PLEC: variants seen among roughly 807,000 people sequenced by gnomAD.
PLEC encodes plectin.
In PLEC, 216 loss-of-function variants were observed where a neutral mutation model predicts 392.8. The observed-to-expected ratio is 0.55, with a 90% CI of 0.49 to 0.62. PLEC has a LOEUF of 0.62. PLEC is among the 20% of genes least tolerant of loss of function. The pLI is 0.00. For missense variants in PLEC, 6,863 were observed against 6,563.4 expected, an observed-to-expected ratio of 1.05 and a Z score of -1.58; for synonymous variants, 3,621 against 2,980.6, an observed-to-expected ratio of 1.21 and a Z score of -7.00.
At chr8:143,940,270 C>T (rs1311034022), upstream of PLEC, among the ~76,000 whole-genome samples, 4 of 152,238 alleles carry the variant, frequency 2.6e-5, no homozygotes, top group African/African-American at 2.4e-5. Flanking sequence ...AGGCAGACAC[C>T]TCACGTCGGA....
chr8:143,927,091 T>C lies in PLEC; in HGVS notation c.3841-10A>G, dbSNP rs2131583345. The C allele has an allele frequency of 1.2e-6, 2 of 1,606,492 alleles. No homozygotes were observed. Among genetic ancestry groups the C allele is most frequent in the Non-Finnish European group, 1.7e-6 (2 of 1,176,880 alleles). ...GCTGGAGTTCATAGTCCTGTGGCAA[T>C]GCACTGCGGTCAGCCACCAGCTCTG... is the stretch of plus-strand genomic sequence containing the variant. On this transcript the variant is annotated splice_polypyrimidine_tract_variant and intron_variant, in intron 28 of 31. Transcript: ENST00000345136.
chr8:143,950,780 G>A (rs1214830433), exon 1 of PLEC: 5 of 1,530,180 alleles, frequency 3.3e-6, no homozygotes, highest in Admixed American at 2.0e-5. Flanking sequence ...CCGGGGCGCT[G>A]CGAGAAGCTC....
intron 3 of PLEC, 48 bp from the exon 4 acceptor site, chr8:143,937,290 GC>G: frequency 6.8e-7 from 1 of 1,464,424 alleles, no homozygotes; most frequent in Non-Finnish European, 9.5e-7. Flanking sequence ...CAGCTCCCGG[GC>G]CCCACCCTCA....
Position 143,930,210 on chromosome 8 carries a change from G to A in PLEC, c.2546C>T (p.Ala849Val), listed in dbSNP as rs942047656. ...WKVLSSSGSE[A>V]AVPSVCFLVP... ...CAGGAAGCACACGGAGGGCACGGCG[G>A]CCTCGCTGCCGGAGCTGCTGAGCAC... is the stretch of plus-strand genomic sequence containing the variant. The change falls in exon 21 of 32, where the codon GCC becomes GTC. Residue 849 changes from alanine to valine, a missense_variant. Transcript: ENST00000345136. The A allele has an allele frequency of 3.2e-6, 5 of 1,581,682 alleles. No individual in the cohort carries two copies. The East Asian group carries it at 1.1e-4, about 36-fold the overall frequency.
chr8:143,939,257 G>T, intron 1 of PLEC, 93 bp downstream of exon 1: 3 of 1,498,642 alleles, frequency 2.0e-6, no homozygotes, highest in Non-Finnish European at 2.7e-6. Context: ...CAGCCCCCCA[G>T]CGGTGCCAAG....
chr8:143,926,951 C>T, intron 29 of PLEC, 26 bp downstream of exon 29: 1 of 1,606,734 alleles, frequency 6.2e-7, no homozygotes, highest in Non-Finnish European at 8.5e-7. Context: ...CAGCCCCTCA[C>T]CCAGTTAGGT....
In PLEC at chr8:143,929,119, C is replaced by T. The variant is rs1554710161; in HGVS notation, c.3244G>A (p.Ala1082Thr). ...TGCACTCACTTCTCCAGGTAGATGG[C>T]AGACAGGCTGCGGACCTGCTCCAGC... ...GKLEQVRSLSAIYLEKLKTIS... is the reference protein window; with the variant it reads ...GKLEQVRSLSTIYLEKLKTIS... The change falls in exon 25 of 32, where the codon GCC (alanine) becomes ACC (threonine). Residue 1082 changes from alanine (A) to threonine (T), a missense_variant. By Grantham distance (58) the Ala-to-Thr change is moderately conservative. Coordinates refer to ENST00000345136, the MANE Select transcript of PLEC (RefSeq NM_201384.3). The T allele has an allele frequency of 6.3e-7, 1 of 1,579,916 alleles. No homozygotes were observed. The highest frequency in any genetic ancestry group is 8.6e-7 in the Non-Finnish European group (1 of 1,163,858).
At chr8:143,955,378 G>A (rs1373679725), upstream of PLEC, among the ~76,000 whole-genome samples, 1 of 152,148 alleles carries the variant, frequency 6.6e-6, no homozygotes, top group Non-Finnish European at 1.5e-5. Context: ...CTACTCAGGA[G>A]GCTGAGGCAC....
rs727504099 is a variant in PLEC at position 143,927,505 on chromosome 8, C to T, written c.3661G>A (p.Ala1221Thr). 6.3e-6 allele frequency: 10 copies of T among 1,597,050 alleles called. No individual in the cohort carries two copies. The East Asian group carries it at 6.7e-5, about 11-fold the overall frequency. ...CGCCGCCTGGCGTCCTGCAGCCAGG[C>T]GCCCAAGGGGTCTGCACTCTCGCGG... is the stretch of plus-strand genomic sequence containing the variant. The part of the protein sequence containing the change: ...YYRESADPLG[A>T]WLQDARRRQE... The change falls in exon 27 of 32, where the codon GCC (alanine) becomes ACC (threonine). Residue 1221 changes from alanine to threonine, a missense_variant. By Grantham distance (58) the Ala-to-Thr change is moderately conservative. Coordinates refer to ENST00000345136, the MANE Select transcript of PLEC (RefSeq NM_201384.3).
intron 2 of PLEC, 48 bp from the exon 3 acceptor site, chr8:143,938,288 A>G: frequency 6.5e-7 from 1 of 1,546,162 alleles, no homozygotes; most frequent in Non-Finnish European, 8.7e-7. Context: ...AGAGCCACCA[A>G]TAGGCCCTGA....
At chr8:143,955,258 CT>C (rs1554738899), upstream of PLEC, among the ~76,000 whole-genome samples, 1 of 152,186 alleles carries the variant, frequency 6.6e-6, no homozygotes, top group Non-Finnish European at 1.5e-5. Context: ...AGGTGGACCA[CT>C]TGAGGTCAGG....
At position 143,921,431 on chromosome 8, in the gene PLEC, A is replaced by T; in HGVS notation, c.8390T>A (p.Ile2797Asn). The change falls in exon 32 of 32, where the codon ATC becomes AAC. Residue 2797 changes from isoleucine (I) to asparagine (N), a missense_variant. By Grantham distance (149) the Ile-to-Asn change is moderately radical. Coordinates refer to ENST00000345136, the MANE Select transcript of PLEC (RefSeq NM_201384.3). Reference protein sequence around the residue: ...SLFQAMQKGLIVREHGIRLLE... With the variant: ...SLFQAMQKGLNVREHGIRLLE... Reference sequence around the variant, plus strand: ...CAGGCGGATGCCGTGCTCCCGGACGATGAGGCCCTTCTGCATGGCTTGGAA... The same window carrying T: ...CAGGCGGATGCCGTGCTCCCGGACGTTGAGGCCCTTCTGCATGGCTTGGAA... 1 of 1,613,448 alleles carries T rather than the reference A, an allele frequency of 6.2e-7. No homozygotes were observed.
chr8:143,917,747 A>G lies in PLEC; in HGVS notation c.12074T>C (p.Leu4025Pro). ...KDPYSGKLIS[L>P]FQAMKKGLIL... is the part of the protein sequence containing the mutation. ...CAGGCCCTTCTTCATGGCCTGGAAGAGGGAGATGAGCTTCCCAGAGTAGGG... is the reference window on the plus strand; with the variant it reads ...CAGGCCCTTCTTCATGGCCTGGAAGGGGGAGATGAGCTTCCCAGAGTAGGG... The change falls in exon 32 of 32, where the codon CTC becomes CCC. Residue 4025 changes from leucine (L) to proline (P), a missense_variant. Physicochemically the swap from Leu to Pro is moderately conservative, Grantham distance 98. Coordinates refer to ENST00000345136, the MANE Select transcript of PLEC (RefSeq NM_201384.3). 3 of 1,613,556 alleles carry G rather than the reference A, an allele frequency of 1.9e-6. No homozygotes were observed. The highest frequency in any genetic ancestry group is 1.7e-5 in the Admixed American group (1 of 60,010).
At position 143,925,881 on chromosome 8, in the gene PLEC, G is replaced by A. The variant is rs1483255401; in HGVS notation, c.4048C>T (p.Leu1350=). 1.2e-5 allele frequency: 18 copies of A among 1,543,644 alleles called. No individual in the cohort carries two copies. The highest frequency in any genetic ancestry group is 1.6e-5 in the Non-Finnish European group (18 of 1,150,766). ...TLRRMEEEER[L]AEQQRAEERE... Reference sequence around the variant, plus strand: ...TCCTCTGCCCGCTGCTGCTCAGCCAGCCTCTGTGGCCACAGCAGAGAGAAG... The same window carrying A: ...TCCTCTGCCCGCTGCTGCTCAGCCAACCTCTGTGGCCACAGCAGAGAGAAG... Residue 1350 remains leucine, a synonymous_variant, in exon 31 of 32, where the codon CTG becomes TTG. Transcript: ENST00000345136.
upstream of PLEC, among the ~76,000 whole-genome samples, chr8:143,952,208 A>ACACACACACACG: frequency 7.6e-6 from 1 of 130,962 alleles, no homozygotes; most frequent in Admixed American, 7.3e-5. Flanking sequence ...ACACACACAC[A>ACACACACACACG]CGCGCGCACA....
chr8:143,974,391 A>C (rs576174713), upstream of PLEC, among the ~76,000 whole-genome samples: 1 of 152,358 alleles, frequency 6.6e-6, no homozygotes, highest in East Asian at 1.9e-4. This position sits in a 1 kb window ranked among gnomAD's most constrained non-coding sequence, Gnocchi z 5.9. Flanking sequence ...TTCTTTCTTT[A>C]AAGTCCGTGT....
In PLEC at chr8:143,924,327, G is replaced by C; in HGVS notation, c.5602C>G (p.Arg1868Gly). The C allele has an allele frequency of 1.3e-6, 2 of 1,595,948 alleles. No homozygotes were observed. Among genetic ancestry groups the C allele is most frequent in the Non-Finnish European group, 8.5e-7 (1 of 1,178,368 alleles). Residue 1868 changes from arginine (R) to glycine (G), a missense_variant, in exon 31 of 32, where the codon CGG becomes GGG. Transcript: ENST00000345136. ...TGGAAGGCCTCGTCCTCCGCCAGCC[G>C]CCGCAGGCGCTCGTTCTCCGCCTCC... is the stretch of plus-strand genomic sequence containing the variant. ...EKEAENERLR[R>G]LAEDEAFQRR...
In PLEC at chr8:143,969,769, G is replaced by C. The variant is rs1554743579; in HGVS notation, c.70+3634C>G. Among the ~76,000 whole-genome samples, 2 of 152,024 alleles carry C rather than the reference G, an allele frequency of 1.3e-5. No homozygotes were observed. The highest frequency in any genetic ancestry group is 4.8e-5 in the African/African-American group (2 of 41,384). On this transcript the variant is annotated intron_variant, in intron 1 of 31. Coordinates refer to the PLEC transcript ENST00000356346. This position sits in a 1 kb window ranked among gnomAD's most constrained non-coding sequence, Gnocchi z 5.1. Reference sequence around the variant, plus strand: ...TGGGCAGCTGGGGATAGAGACTTTAGGTTGTCATGTTAGGGATGGGAGTGG... The same window carrying C: ...TGGGCAGCTGGGGATAGAGACTTTACGTTGTCATGTTAGGGATGGGAGTGG...
intron 5 of PLEC, 24 bp from the exon 6 acceptor site, chr8:143,936,038 A>G (rs782545628): frequency 3.7e-6 from 6 of 1,608,968 alleles, no homozygotes; most frequent in Non-Finnish European, 4.2e-6. Context: ...AGAGGAGGCC[A>G]CAGCTCAGCC....
Sources: gnomAD v4.1 joint callset for allele counts (sites outside exome capture counted in the v4.1 genomes callset) on GRCh38, gnomAD v4.1.1 for gene constraint, Gnocchi (gnomAD v3.1) non-coding constraint, MANE v1.5 for transcripts, NCBI Gene and HGNC (gene_info 2026-07-23, HGNC 2026-07-21) for gene names.